Variants in EXOC4 observed in about 807,000 individuals in gnomAD.
The protein encoded by EXOC4 is exocyst complex component 4, also known as SEC8-like 1.
EXOC4 carries 71 observed loss-of-function variants against 107.2 expected under a neutral mutation model. The ratio of observed to expected loss-of-function variants is 0.66; its 90% CI spans 0.55 to 0.81. The LOEUF (loss-of-function observed/expected upper bound fraction) is 0.81, where lower values mean the gene tolerates loss of function less well. Among genes scored for constraint, EXOC4 ranks in the 30% least tolerant of loss-of-function variants. The pLI is 0.00. For synonymous variants in EXOC4, 456 were observed against 441.2 expected (o/e 1.03, Z -0.42); for missense variants, 1,108 against 1,189.6 (o/e 0.93, Z 1.01).
intron 17 of EXOC4, among the ~76,000 whole-genome samples, chr7:134,057,365 TA>T (rs34424652): frequency 3.4e-5 from 5 of 148,012 alleles, no homozygotes; most frequent in Admixed American, 6.8e-5. Flanking sequence ...GTGAGAAGTG[TA>T]AAAAAAAAAC....
At chr7:133,435,791 A>G (rs1797957196) in intron 7 of EXOC4, among the ~76,000 whole-genome samples, 3 of 152,150 alleles carry the variant, frequency 2.0e-5, no homozygotes, top group Admixed American at 2.0e-4. Context: ...TCCGTTATCT[A>G]GTGATCTGTT....
chr7:133,632,648 G>A (rs1165811183), intron 10 of EXOC4, among the ~76,000 whole-genome samples: 4 of 151,946 alleles, frequency 2.6e-5, no homozygotes, highest in South Asian at 2.1e-4. Flanking sequence ...TCATTATCAC[G>A]CTTGTGTATT....
intron 12 of EXOC4, among the ~76,000 whole-genome samples, chr7:133,911,129 A>G (rs1799684109): frequency 6.6e-6 from 1 of 152,142 alleles, no homozygotes. Context: ...AACAGATACA[A>G]ATAGTTACAC....
chr7:133,326,505 A>G (rs1213512196), intron 5 of EXOC4, among the ~76,000 whole-genome samples: 3 of 152,198 alleles, frequency 2.0e-5, no homozygotes, highest in Admixed American at 6.5e-5. Context: ...TATCAGCAGC[A>G]GAGGCTGCAG....
intron 10 of EXOC4, among the ~76,000 whole-genome samples, chr7:133,654,806 T>A (rs1171794741): frequency 1.3e-5 from 2 of 152,162 alleles, no homozygotes; most frequent in East Asian, 3.9e-4. Context: ...GGCTGTATGG[T>A]ATAGCCCATT....
chr7:133,650,462 T>C (rs1162939712), intron 10 of EXOC4, among the ~76,000 whole-genome samples: 1 of 152,200 alleles, frequency 6.6e-6, no homozygotes, highest in African/African-American at 2.4e-5. Context: ...GAATACTTAG[T>C]CAATTTTTAA....
At chr7:133,544,697 A>G (rs1269771401) in intron 9 of EXOC4, among the ~76,000 whole-genome samples, 4 of 150,836 alleles carry the variant, frequency 2.7e-5, no homozygotes, top group Non-Finnish European at 5.9e-5. Flanking sequence ...ATTTTGTCAA[A>G]TGTGATTTTT....
intron 11 of EXOC4, among the ~76,000 whole-genome samples, chr7:133,846,364 T>G (rs746013187): frequency 2.0e-5 from 3 of 152,194 alleles, no homozygotes; most frequent in Non-Finnish European, 4.4e-5. Flanking sequence ...TCCAGTACCT[T>G]GTAACCACAG....
At chr7:133,854,172 C>T (rs1193729014) in intron 11 of EXOC4, among the ~76,000 whole-genome samples, 1 of 152,100 alleles carries the variant, frequency 6.6e-6, no homozygotes, top group African/African-American at 2.4e-5. Flanking sequence ...TATAATAACA[C>T]ATCAGTAGCA....
intron 12 of EXOC4, among the ~76,000 whole-genome samples, chr7:133,902,325 T>G (rs1799470700): frequency 1.3e-5 from 2 of 152,198 alleles, no homozygotes; most frequent in African/African-American, 2.4e-5. Flanking sequence ...TTCAGGAATT[T>G]TTTTGATCTC....
chr7:134,057,041 C>T (rs1795943315), intron 17 of EXOC4, among the ~76,000 whole-genome samples: 4 of 152,128 alleles, frequency 2.6e-5, no homozygotes, highest in Admixed American at 2.6e-4. Context: ...AGGAGAACCC[C>T]CACCCCCGCA....
chr7:133,481,050 A>G (rs1038401403), intron 9 of EXOC4: 15 of 71,792 alleles, frequency 2.1e-4, no homozygotes, highest in African/African-American at 5.6e-4. Context: ...ACCATGTCTC[A>G]AAAAAAGAAA....
chr7:133,737,744 A>G (rs1028462643), intron 10 of EXOC4, among the ~76,000 whole-genome samples: 1 of 151,872 alleles, frequency 6.6e-6, no homozygotes, highest in Non-Finnish European at 1.5e-5. Context: ...TTTAATTACC[A>G]TGTTTTTGTA....
chr7:133,495,400 A>G (rs1799454232), intron 9 of EXOC4, among the ~76,000 whole-genome samples: 1 of 152,048 alleles, frequency 6.6e-6, no homozygotes, highest in Non-Finnish European at 1.5e-5. Flanking sequence ...ATTGAGGTGA[A>G]TGTACCTGCA....
chr7:133,856,940 A>C (rs1435330248), intron 11 of EXOC4, among the ~76,000 whole-genome samples: 2 of 150,244 alleles, frequency 1.3e-5, no homozygotes, highest in African/African-American at 2.5e-5. Context: ...CTCTACTAAA[A>C]ATACAAAAAA....
intron 10 of EXOC4, among the ~76,000 whole-genome samples, chr7:133,661,672 TA>T (rs1177627198): frequency 6.0e-4 from 8 of 13,444 alleles, no homozygotes; most frequent in Non-Finnish European, 8.7e-4. Flanking sequence ...TCCTTAAAAC[TA>T]AAAAAAAAAA....
At chr7:133,819,640 T>C (rs1170632145) in intron 11 of EXOC4, among the ~76,000 whole-genome samples, 1 of 152,186 alleles carries the variant, frequency 6.6e-6, no homozygotes, top group Non-Finnish European at 1.5e-5. Flanking sequence ...TGTCTGACCA[T>C]ATCATTAGCC....
chr7:133,792,975 G>A (rs574332238), intron 10 of EXOC4, among the ~76,000 whole-genome samples: 7 of 152,250 alleles, frequency 4.6e-5, no homozygotes, highest in African/African-American at 1.7e-4. Context: ...CAGAACATCA[G>A]CAAGACCCTA....
At chr7:133,918,756 G>A (rs943370895) in intron 13 of EXOC4, among the ~76,000 whole-genome samples, 3 of 152,158 alleles carry the variant, frequency 2.0e-5, no homozygotes, top group Admixed American at 6.5e-5. Flanking sequence ...GCTGTGTAAA[G>A]TAGAAAAACA....
Sources: gnomAD v4.1 joint callset for allele counts (sites outside exome capture counted in the v4.1 genomes callset) on GRCh38, gnomAD v4.1.1 for gene constraint, MANE v1.5 for transcripts, NCBI Gene and HGNC (gene_info 2026-07-23, HGNC 2026-07-21) for gene names.